SMARCA2: variants seen among roughly 807,000 people sequenced by gnomAD.
SMARCA2 encodes SWI/SNF related BAF chromatin remodeling complex subunit ATPase 2.
SMARCA2 carries 61 observed loss-of-function variants against 199.8 expected under a neutral mutation model. The ratio of observed to expected loss-of-function variants is 0.31; its 90% confidence interval spans 0.25 to 0.38. SMARCA2 has a LOEUF of 0.38. Among genes scored for constraint, SMARCA2 ranks in the 10% least tolerant of loss-of-function variants. The pLI is 1.00. For synonymous variants in SMARCA2, 935 were observed against 732.0 expected (o/e 1.28, Z -4.48); for missense variants, 1,344 against 2,012.2 (o/e 0.67, Z 6.35).
chr9:2,191,508 C>G (rs1357013423), intron 33 of SMARCA2, 100 bp downstream of exon 33: 1 of 1,278,464 alleles, frequency 7.8e-7, no homozygotes, highest in African/African-American at 1.5e-5. Flanking sequence ...CTTTATTACC[C>G]AGGACTGGAA....
intron 24 of SMARCA2, among the ~76,000 whole-genome samples, chr9:2,111,222 C>T (rs1243262903): frequency 6.6e-6 from 1 of 151,836 alleles, no homozygotes; most frequent in Admixed American, 6.6e-5. Context: ...TGTGGTGGCT[C>T]ATGCCTGTAA....
At chr9:2,033,996 C>T (rs1819197653) in intron 3 of SMARCA2, among the ~76,000 whole-genome samples, 1 of 152,100 alleles carries the variant, frequency 6.6e-6, no homozygotes, top group Non-Finnish European at 1.5e-5. Flanking sequence ...CCTGTAATCC[C>T]AGCGCTTTGG....
chr9:2,088,381 G>T (rs570080496), intron 18 of SMARCA2, 119 bp from the exon 19 acceptor site: 10 of 1,162,966 alleles, frequency 8.6e-6, no homozygotes, highest in Non-Finnish European at 9.3e-6. Flanking sequence ...CTTAAACTTG[G>T]CTTTAATGCA....
intron 27 of SMARCA2, chr9:2,160,029 T>A: frequency 7.4e-7 from 1 of 1,353,126 alleles, no homozygotes; most frequent in Non-Finnish European, 1.0e-6. Context: ...ACTGGGTGCT[T>A]GAGGAGAGCA....
intron 12 of SMARCA2, 65 bp downstream of exon 12, chr9:2,073,688 G>A: frequency 8.1e-7 from 1 of 1,239,728 alleles, no homozygotes; most frequent in Non-Finnish European, 1.2e-6. Context: ...AATTCTTCCT[G>A]AATGTAAGCC....
At chr9:2,046,759 A>G (rs372787440) in intron 4 of SMARCA2, among the ~76,000 whole-genome samples, 2 of 151,344 alleles carry the variant, frequency 1.3e-5, no homozygotes, top group South Asian at 2.1e-4. Flanking sequence ...TTTTAGGACC[A>G]TACCCAAATT....
At chr9:2,088,639 G>A (rs764102651) in intron 19 of SMARCA2, 26 bp downstream of exon 19, 1 of 1,525,966 alleles carries the variant, frequency 6.6e-7, no homozygotes, top group Non-Finnish European at 8.9e-7. Flanking sequence ...AAAAGTTGTG[G>A]GTTTTTTTTT....
chr9:2,102,302 C>G (rs186802293), intron 22 of SMARCA2, among the ~76,000 whole-genome samples: 6 of 152,184 alleles, frequency 3.9e-5, no homozygotes, highest in Admixed American at 1.3e-4. Flanking sequence ...TTCCCTACCT[C>G]TCCTTGCCTC....
intron 28 of SMARCA2, among the ~76,000 whole-genome samples, chr9:2,166,591 C>G (rs896455941): frequency 2.6e-5 from 4 of 152,118 alleles, no homozygotes; most frequent in African/African-American, 9.7e-5. Context: ...TGATGCTGTA[C>G]CTCTAAATTT....
intron 27 of SMARCA2, among the ~76,000 whole-genome samples, chr9:2,132,068 C>T (rs1203687094): frequency 6.6e-6 from 1 of 152,100 alleles, no homozygotes; most frequent in Non-Finnish European, 1.5e-5. Context: ...GCAATAAGCT[C>T]TCTGAGTTGG....
intron 21 of SMARCA2, among the ~76,000 whole-genome samples, chr9:2,101,005 A>T (rs1822488204): frequency 6.6e-6 from 1 of 152,056 alleles, no homozygotes; most frequent in Admixed American, 6.5e-5. Flanking sequence ...AAGCCACGAG[A>T]TCTCGTGAGA....
rs151307037 is a variant in SMARCA2, at chr9:2,034,572, A to G, written c.355+1491A>G. Among the ~76,000 whole-genome samples the G allele has an allele frequency of 4.2e-3, 638 of 152,352 alleles. 6 individuals carry two copies. The highest frequency in any genetic ancestry group is 6.2e-3 in the Non-Finnish European group (421 of 68,038). ...ATGTAGTTATTCCAATTCAAGGTTT[A>G]TGGTTTATGCGTTGCTATATATAAT... On this transcript the variant is annotated intron_variant, in intron 3 of 33. Coordinates refer to ENST00000349721, the MANE Select transcript of SMARCA2 (RefSeq NM_003070.5).
intron 31 of SMARCA2, among the ~76,000 whole-genome samples, chr9:2,183,267 C>G (rs1233416583): frequency 6.6e-6 from 1 of 152,148 alleles, no homozygotes; most frequent in Non-Finnish European, 1.5e-5. Context: ...TAAGACAAAA[C>G]AAACTATAGG....
At chr9:2,078,920 C>G (rs909185267) in intron 14 of SMARCA2, among the ~76,000 whole-genome samples, 4 of 151,558 alleles carry the variant, frequency 2.6e-5, no homozygotes, top group Admixed American at 6.6e-5. Flanking sequence ...ACTCCAGCCT[C>G]GGCAACAGAG....
In SMARCA2 at chr9:2,039,285, C is replaced by CAT. The variant is rs1484632472; in HGVS notation, c.356-173_356-172dup. On this transcript the variant is annotated intron_variant, in intron 3 of 33. Transcript: ENST00000349721. The surrounding 1 kb of genome is among the most constrained non-coding windows in gnomAD (Gnocchi z 4.8). ...GGCTACCAGAAAATTTTAAATTTTA[C>CAT]ATATATATAAAGCACATATTGATAT... 1.3e-5 allele frequency among the ~76,000 whole-genome samples: 2 copies of CAT among 149,636 alleles called. No homozygotes were observed. Among genetic ancestry groups the CAT allele is most frequent in the African/African-American group, 4.9e-5 (2 of 40,514 alleles).
At chr9:2,067,019 A>G (rs1820871454) in intron 9 of SMARCA2, among the ~76,000 whole-genome samples, 2 of 152,194 alleles carry the variant, frequency 1.3e-5, no homozygotes, top group Non-Finnish European at 2.9e-5. Flanking sequence ...AATGTCATCA[A>G]ACTGAAGGAA....
At chr9:2,099,638 C>T (rs1822421741) in intron 21 of SMARCA2, among the ~76,000 whole-genome samples, 1 of 152,006 alleles carries the variant, frequency 6.6e-6, no homozygotes, top group South Asian at 2.1e-4. Flanking sequence ...ATTTTTTTCC[C>T]TAGAAACAAG....
At chr9:2,049,273 G>A (rs1417540815) in intron 5 of SMARCA2, among the ~76,000 whole-genome samples, 2 of 152,016 alleles carry the variant, frequency 1.3e-5, no homozygotes, top group African/African-American at 4.8e-5. Flanking sequence ...ATTTTTTCTG[G>A]AATTTTCATT....
rs1401515222 is a variant in SMARCA2 at position 2,016,787 on chromosome 9, C to G, written c.-37+1383C>G. 6.6e-6 allele frequency among the ~76,000 whole-genome samples: 1 copy of G among 152,186 alleles called. No homozygotes were observed. Among genetic ancestry groups the G allele is most frequent in the Non-Finnish European group, 1.5e-5 (1 of 68,008 alleles). On this transcript the variant is annotated intron_variant, in intron 1 of 33. Transcript: ENST00000349721. This position sits in a 1 kb window ranked among gnomAD's most constrained non-coding sequence, Gnocchi z 5.6. ...TCAGGAGTTTGCTTTATTCCCATCC[C>G]AACCTGGTTTACCCCTTCCTTTGCT...
Sources: allele counts gnomAD v4.1 joint callset (sites outside exome capture counted in the v4.1 genomes callset), GRCh38; gene constraint gnomAD v4.1.1; non-coding constraint Gnocchi (gnomAD v3.1); transcripts MANE v1.5; gene names NCBI Gene and HGNC (gene_info 2026-07-23, HGNC 2026-07-21).